Variants in EPB41 observed in about 807,000 individuals in gnomAD.
EPB41 encodes protein 4.1.
A neutral mutation model predicts 108.0 loss-of-function variants in EPB41; 65 were observed. The ratio of observed to expected loss-of-function variants is 0.60; its 90% CI spans 0.49 to 0.74. The LOEUF (loss-of-function observed/expected upper bound fraction) is 0.74, where lower values mean the gene tolerates loss of function less well. Ranked by LOEUF, EPB41 falls within the 30% of genes least tolerant of loss-of-function variation. The pLI is 0.00. For synonymous variants in EPB41, 336 were observed against 358.9 expected (o/e 0.94, Z 0.72); for missense variants, 875 against 1,037.0 (o/e 0.84, Z 2.15).
At chr1:28,953,133 G>A (rs1475373080) in intron 1 of EPB41, among the ~76,000 whole-genome samples, 4 of 151,856 alleles carry the variant, frequency 2.6e-5, no homozygotes, top group Non-Finnish European at 5.9e-5. Flanking sequence ...CATATTGCAA[G>A]TGATTGATAT....
intron 11 of EPB41, among the ~76,000 whole-genome samples, chr1:29,050,650 C>T (rs534070242): frequency 4.6e-5 from 7 of 152,080 alleles, no homozygotes; most frequent in East Asian, 1.9e-4. Flanking sequence ...TGCAAGAGGC[C>T]GCAGATTTTT....
chr1:29,007,433 A>G (rs1239491253), intron 4 of EPB41, among the ~76,000 whole-genome samples: 2 of 152,186 alleles, frequency 1.3e-5, no homozygotes, highest in African/African-American at 4.8e-5. Context: ...TAGAGAAGGC[A>G]TATGTTCAGC....
At chr1:29,062,192 GAC>G (rs1646680387) in intron 15 of EPB41, among the ~76,000 whole-genome samples, 1 of 152,234 alleles carries the variant, frequency 6.6e-6, no homozygotes, top group Admixed American at 6.5e-5. Context: ...CATCTTCAGA[GAC>G]TAGGAAGAAT....
chr1:28,978,389 C>A (rs1353482898), intron 1 of EPB41, among the ~76,000 whole-genome samples: 1 of 151,518 alleles, frequency 6.6e-6, no homozygotes, highest in Non-Finnish European at 1.5e-5. Flanking sequence ...TCTAAAATCC[C>A]TAATGTCTAC....
intron 1 of EPB41, among the ~76,000 whole-genome samples, chr1:28,972,483 C>A (rs2095517314): frequency 6.6e-6 from 1 of 152,092 alleles, no homozygotes; most frequent in Admixed American, 6.6e-5. Flanking sequence ...TTAAAAATAT[C>A]TTTGAATGAG....
Position 29,119,955 on chromosome 1 carries a change from CGTA to C in EPB41, c.*3148_*3150del, listed in dbSNP as rs1671635712. Reference sequence around the variant, plus strand: ...AATCAAGTCTGCTGTTTTGGCCTTTCGTAGTAGAAGTGGTTGTAGTGTTTAGAT... The same window carrying C: ...AATCAAGTCTGCTGTTTTGGCCTTTCGTAGAAGTGGTTGTAGTGTTTAGAT... On this transcript the variant is annotated 3_prime_UTR_variant, in exon 21 of 21. Transcript: ENST00000343067. The C allele has an allele frequency of 1.3e-5, 2 of 152,706 alleles. No homozygotes were observed. The highest frequency in any genetic ancestry group is 2.4e-5 in the African/African-American group (1 of 41,556). The allele number at this position is 152,706 out of a possible 1,614,324, so 9.5% of individuals were successfully genotyped here.
chr1:29,041,603 A>C (rs932112570), intron 11 of EPB41: 1 of 152,116 alleles, frequency 6.6e-6, no homozygotes, highest in African/African-American at 2.4e-5. Flanking sequence ...AGCAAGATAC[A>C]TGTTGTTATG....
rs1393222898 is a variant in EPB41, at chr1:28,987,916, G to A, written c.468+11G>A. 2.5e-6 allele frequency: 4 copies of A among 1,613,072 alleles called. No individual in the cohort carries two copies. The highest frequency in any genetic ancestry group is 3.4e-6 in the Non-Finnish European group (4 of 1,179,120). ...AGTGCAGAAACACAGGTAAGGATGT[G>A]TGGATATGGGAGGTGGGCAAAGGAA... On this transcript the variant is annotated intron_variant, in intron 2 of 20. Coordinates refer to ENST00000343067, the MANE Select transcript of EPB41 (RefSeq NM_001376013.1).
At chr1:28,899,200 A>G (rs781519688) in intron 1 of EPB41, among the ~76,000 whole-genome samples, 1 of 152,188 alleles carries the variant, frequency 6.6e-6, no homozygotes, top group East Asian at 1.9e-4. Context: ...AGTTTTCTGC[A>G]CTGTAGAGTG....
intron 5 of EPB41, among the ~76,000 whole-genome samples, chr1:29,013,834 G>GT (rs537368192): frequency 0.035 from 4,603 of 131,770 alleles, 175 homozygotes; most frequent in Middle Eastern, 0.1. Context: ...CAGCCCTTAA[G>GT]TTTTTTTTTT....
chr1:28,905,413 C>G (rs1327965480), intron 1 of EPB41, among the ~76,000 whole-genome samples: 1 of 151,528 alleles, frequency 6.6e-6, no homozygotes, highest in Non-Finnish European at 1.5e-5. Context: ...AGGAGAATCG[C>G]TTGAACCCGG....
intron 1 of EPB41, among the ~76,000 whole-genome samples, chr1:28,955,256 A>G (rs2094898310): frequency 2.0e-5 from 3 of 152,216 alleles, no homozygotes; most frequent in South Asian, 2.1e-4. Flanking sequence ...GACAAGTCTT[A>G]TCTTCCTATT....
chr1:29,008,433 T>C (rs1367158056), intron 4 of EPB41, among the ~76,000 whole-genome samples: 1 of 152,212 alleles, frequency 6.6e-6, no homozygotes, highest in Non-Finnish European at 1.5e-5. Context: ...ATCCCAATTA[T>C]ACATATGAGA....
At chr1:28,972,372 G>T (rs1415450305) in intron 1 of EPB41, among the ~76,000 whole-genome samples, 1 of 152,162 alleles carries the variant, frequency 6.6e-6, no homozygotes, top group Non-Finnish European at 1.5e-5. Flanking sequence ...TACACTTTTA[G>T]ACTATATCCA....
intron 12 of EPB41, among the ~76,000 whole-genome samples, chr1:29,056,800 A>G (rs895382463): frequency 1.3e-5 from 2 of 152,092 alleles, no homozygotes; most frequent in South Asian, 2.1e-4. Context: ...TGCTGAGATT[A>G]CAGGCGTGAG....
intron 15 of EPB41, among the ~76,000 whole-genome samples, chr1:29,062,857 C>G (rs909723848): frequency 2.0e-5 from 3 of 152,152 alleles, no homozygotes; most frequent in Non-Finnish European, 2.9e-5. Context: ...TGTGCCCCCA[C>G]AGGTTTTCAA....
rs138941851 is a variant in EPB41, at chr1:29,058,993, G to A, written c.1944+141G>A. The A allele has an allele frequency of 7.4e-4, 623 of 841,650 alleles. 7 individuals carry two copies. In the African/African-American group the frequency reaches 9.6e-3, roughly 13 times the overall value. 52.1% of individuals were successfully genotyped at this position (841,650 alleles called of 1,614,324 possible). A position where few individuals can be genotyped will look rare whatever the true frequency, so the allele number is the denominator to read the frequency against. On this transcript the variant is annotated intron_variant, in intron 14 of 20. Transcript: ENST00000343067. Reference sequence around the variant, plus strand: ...TTAATAGTTTCAAATAATGGATATGGGCCAGGAGCATTGGCTCACACCTAT... The same window carrying A: ...TTAATAGTTTCAAATAATGGATATGAGCCAGGAGCATTGGCTCACACCTAT...
At chr1:28,889,918 T>A in intron 1 of EPB41, 1 of 870,062 alleles carries the variant, frequency 1.1e-6, no homozygotes, top group Non-Finnish European at 1.4e-6. Context: ...CTGAGATTTG[T>A]TAGGGGTTTG....
chr1:28,949,598 A>G (rs1463134269), intron 1 of EPB41, among the ~76,000 whole-genome samples: 1 of 150,442 alleles, frequency 6.6e-6, no homozygotes, highest in African/African-American at 2.4e-5. Context: ...TTATTTATTT[A>G]TTTATTTATT....
Sources: allele counts gnomAD v4.1 joint callset (sites outside exome capture counted in the v4.1 genomes callset), GRCh38; gene constraint gnomAD v4.1.1; transcripts MANE v1.5; gene names NCBI Gene and HGNC (gene_info 2026-07-23, HGNC 2026-07-21).